Variants in KIAA1217 observed in about 807,000 individuals in gnomAD.
The protein encoded by KIAA1217 is sickle tail protein homolog.
A neutral mutation model predicts 163.9 loss-of-function variants in KIAA1217; 88 were observed. That is an observed-to-expected ratio of 0.54 (90% CI 0.45 to 0.64). The LOEUF (loss-of-function observed/expected upper bound fraction) is 0.64, where lower values mean the gene tolerates loss of function less well. Ranked by LOEUF, KIAA1217 falls within the 30% of genes least tolerant of loss-of-function variation. The pLI is 0.00. For missense variants in KIAA1217, 2,372 were observed against 2,475.0 expected, an observed-to-expected ratio of 0.96 and a Z score of 0.88; for synonymous variants, 903 against 923.1, an observed-to-expected ratio of 0.98 and a Z score of 0.39.
At chr10:23,762,457 T>A (rs1834309601) in intron 1 of KIAA1217, among the ~76,000 whole-genome samples, 1 of 152,144 alleles carries the variant, frequency 6.6e-6, no homozygotes, top group Admixed American at 6.6e-5. Context: ...CAAAGCTGGT[T>A]CAACATACCC....
At chr10:24,323,377 C>T (rs996027216) in intron 2 of KIAA1217, among the ~76,000 whole-genome samples, 16 of 152,106 alleles carry the variant, frequency 1.1e-4, no homozygotes, top group African/African-American at 3.9e-4. Flanking sequence ...TTTTGCGTGC[C>T]GTCAGTGGCT....
intron 1 of KIAA1217, among the ~76,000 whole-genome samples, chr10:23,809,166 A>C (rs1836871344): frequency 1.3e-5 from 2 of 152,130 alleles, no homozygotes; most frequent in African/African-American, 4.8e-5. Context: ...AGGAAATTAA[A>C]TACAGTAAAG....
At chr10:24,218,011 C>G (rs1161952872) in intron 1 of KIAA1217, among the ~76,000 whole-genome samples, 1 of 152,076 alleles carries the variant, frequency 6.6e-6, no homozygotes, top group African/African-American at 2.4e-5. Context: ...CAGCCTAGTA[C>G]TTTTTCCAGG....
At chr10:23,881,317 A>G (rs1840939954) in intron 1 of KIAA1217, among the ~76,000 whole-genome samples, 3 of 152,004 alleles carry the variant, frequency 2.0e-5, no homozygotes, top group Admixed American at 2.0e-4. Flanking sequence ...GAATATATTA[A>G]TGAATAATCT....
intron 1 of KIAA1217, among the ~76,000 whole-genome samples, chr10:23,837,863 C>A (rs932553400): frequency 2.0e-5 from 3 of 152,084 alleles, no homozygotes; most frequent in African/African-American, 7.2e-5. Context: ...TGTACTGGTT[C>A]TTTAACCACT....
intron 1 of KIAA1217, among the ~76,000 whole-genome samples, chr10:23,722,890 G>A (rs147063363): frequency 0.013 from 1,906 of 152,244 alleles, 22 homozygotes; most frequent in Non-Finnish European, 0.017. Context: ...GTAGGCTTCA[G>A]GTCTCGAACC....
At chr10:24,273,261 A>G (rs2076941530) in intron 2 of KIAA1217, among the ~76,000 whole-genome samples, 1 of 152,186 alleles carries the variant, frequency 6.6e-6, no homozygotes, top group African/African-American at 2.4e-5. Context: ...TAACATTTGC[A>G]AAGTGTGAGC....
chr10:23,838,004 T>A (rs544159237), intron 1 of KIAA1217, among the ~76,000 whole-genome samples: 41 of 152,280 alleles, frequency 2.7e-4, no homozygotes, highest in African/African-American at 9.6e-4. Context: ...GCCCTAACCC[T>A]CTTGTCCTTT....
intron 1 of KIAA1217, among the ~76,000 whole-genome samples, chr10:23,784,754 T>C (rs1835414492): frequency 6.6e-6 from 1 of 152,182 alleles, no homozygotes; most frequent in South Asian, 2.1e-4. Flanking sequence ...TACCCTCACA[T>C]TTTAATTTTA....
At chr10:24,387,951 G>A (rs368421326) in intron 3 of KIAA1217, among the ~76,000 whole-genome samples, 4 of 152,004 alleles carry the variant, frequency 2.6e-5, no homozygotes, top group Non-Finnish European at 5.9e-5. Context: ...GATAGGAAGA[G>A]TCAATATTGT....
At chr10:23,934,605 ATG>A (rs1491136109) in intron 1 of KIAA1217, among the ~76,000 whole-genome samples, 3,613 of 73,352 alleles carry the variant, frequency 0.049, 296 homozygotes, top group African/African-American at 0.11. Flanking sequence ...ATATATATAT[ATG>A]TATATATATA....
At chr10:24,072,143 A>G (rs2061209910) in intron 2 of KIAA1217, among the ~76,000 whole-genome samples, 1 of 152,108 alleles carries the variant, frequency 6.6e-6, no homozygotes, top group Admixed American at 6.6e-5. Flanking sequence ...CTCCTGCCTC[A>G]GCCACCCAAG....
chr10:24,178,417 G>A (rs572795765), intron 2 of KIAA1217, among the ~76,000 whole-genome samples: 2 of 152,320 alleles, frequency 1.3e-5, no homozygotes, highest in South Asian at 2.1e-4. Flanking sequence ...GCTTAAACAT[G>A]GTGAAACCAG....
At chr10:24,392,671 AT>A (rs1369661595) in intron 3 of KIAA1217, among the ~76,000 whole-genome samples, 2 of 152,178 alleles carry the variant, frequency 1.3e-5, no homozygotes, top group Non-Finnish European at 2.9e-5. Context: ...AATTTTTAAT[AT>A]GTTCCAATAA....
At chr10:24,247,806 A>G (rs1238699534) in intron 2 of KIAA1217, among the ~76,000 whole-genome samples, 1 of 152,160 alleles carries the variant, frequency 6.6e-6, no homozygotes, top group African/African-American at 2.4e-5. Flanking sequence ...GTCTTAAAGG[A>G]AAAAAATTTC....
At chr10:24,465,726 A>C (rs1286938946) in intron 5 of KIAA1217, among the ~76,000 whole-genome samples, 1 of 152,124 alleles carries the variant, frequency 6.6e-6, no homozygotes, top group Non-Finnish European at 1.5e-5. Flanking sequence ...AGAGCTGCAC[A>C]AGTCACTTCG....
At position 23,907,376 on chromosome 10, in the gene KIAA1217, C is replaced by T. The variant is rs182105751; in HGVS notation, c.-320-99849C>T. Among the ~76,000 whole-genome samples, 18 of 150,714 alleles carry T rather than the reference C, an allele frequency of 1.2e-4. No individual in the cohort carries two copies. In the East Asian group the frequency reaches 3.5e-3, roughly 30 times the overall value. ...GAGGGGAAGACAGGGAGAGAAACAG[C>T]AAGAGAGAGAGATTTAGCATGGGAT... On this transcript the variant is annotated intron_variant, in intron 1 of 18. Coordinates refer to the KIAA1217 transcript ENST00000376462.
chr10:24,214,802 T>A (rs910906690), intron 1 of KIAA1217, among the ~76,000 whole-genome samples: 6 of 151,858 alleles, frequency 4.0e-5, no homozygotes, highest in African/African-American at 1.5e-4. Flanking sequence ...TCCCTAAGAG[T>A]CTGTGGCCTA....
intron 1 of KIAA1217, among the ~76,000 whole-genome samples, chr10:23,861,455 C>T (rs539037374): frequency 4.6e-5 from 7 of 152,204 alleles, no homozygotes; most frequent in Admixed American, 1.3e-4. Context: ...TTACATTACA[C>T]GGTAGAGAGG....
Sources: gnomAD v4.1 joint callset for allele counts (sites outside exome capture counted in the v4.1 genomes callset) on GRCh38, gnomAD v4.1.1 for gene constraint, MANE v1.5 for transcripts, NCBI Gene and HGNC (gene_info 2026-07-23, HGNC 2026-07-21) for gene names.